Variants in FAM135B observed in about 807,000 individuals in gnomAD.
FAM135B encodes family with sequence similarity 135 member B.
FAM135B carries 43 observed loss-of-function variants against 127.7 expected under a neutral mutation model. The observed-to-expected ratio is 0.34, with a 90% CI of 0.26 to 0.43. FAM135B has a LOEUF of 0.43. Among genes scored for constraint, FAM135B ranks in the 20% least tolerant of loss-of-function variants. The pLI is 1.00. For synonymous variants in FAM135B, 670 were observed against 665.1 expected (o/e 1.01, Z -0.11); for missense variants, 1,558 against 1,725.6 (o/e 0.90, Z 1.72).
intron 1 of FAM135B, among the ~76,000 whole-genome samples, chr8:138,382,252 C>T (rs561161557): frequency 3.9e-5 from 6 of 152,088 alleles, no homozygotes; most frequent in Non-Finnish European, 1.5e-5. Context: ...AGGGCCTTAA[C>T]GATGGTCTTA....
At position 138,151,329 on chromosome 8, in the gene FAM135B, T is replaced by A. The variant is rs2130725024; in HGVS notation, c.3146A>T (p.Lys1049Met). ...ATCLPFSSVPKETPARAGFSS... is the reference protein window; with the variant it reads ...ATCLPFSSVPMETPARAGFSS... ...GAATCCAGCCCTGGCAGGGGTCTCC[T>A]TGGGCACAGATGAGAAAGGGAGACA... The change falls in exon 13 of 20, where the codon AAG becomes ATG. Residue 1049 changes from lysine (K) to methionine (M), a missense_variant. Coordinates refer to ENST00000395297, the MANE Select transcript of FAM135B (RefSeq NM_015912.4). The A allele has an allele frequency of 6.2e-7, 1 of 1,614,042 alleles. No individual in the cohort carries two copies. The highest frequency in any genetic ancestry group is 8.5e-7 in the Non-Finnish European group (1 of 1,180,004).
rs1036097653 is a variant in FAM135B at position 138,132,175 on chromosome 8, A to T, written c.*418T>A. 1.1e-5 allele frequency: 2 copies of T among 186,426 alleles called. No individual in the cohort carries two copies. Among genetic ancestry groups the T allele is most frequent in the African/African-American group, 4.7e-5 (2 of 42,162 alleles). The allele number at this position is 186,426 out of a possible 1,614,324, so 11.5% of individuals were successfully genotyped here. ...CCACTGCTGCACAGAGATTAACCTG[A>T]GTTCTGAAATGCTTGTGTGCACTTA... On this transcript the variant is annotated 3_prime_UTR_variant, in exon 20 of 20. Transcript: ENST00000395297. The surrounding 1 kb of genome is among the most constrained non-coding windows in gnomAD (Gnocchi z 4.5).
At chr8:138,319,069 A>G (rs1344413500) in intron 2 of FAM135B, among the ~76,000 whole-genome samples, 1 of 133,378 alleles carries the variant, frequency 7.5e-6, no homozygotes, top group Non-Finnish European at 1.6e-5. Flanking sequence ...TCACAGACTC[A>G]GTAAGTAAAT....
intron 4 of FAM135B, among the ~76,000 whole-genome samples, chr8:138,260,689 C>A (rs1395166982): frequency 6.6e-6 from 1 of 152,150 alleles, no homozygotes; most frequent in Admixed American, 6.5e-5. Context: ...TCACCCTTTC[C>A]ACTCACACAG....
intron 12 of FAM135B, among the ~76,000 whole-genome samples, chr8:138,160,912 T>C (rs1355242857): frequency 6.6e-6 from 1 of 152,136 alleles, no homozygotes; most frequent in African/African-American, 2.4e-5. Flanking sequence ...ACTTACAGAG[T>C]AAAAGACAGC....
At chr8:138,414,143 CA>C (rs1834017279) in intron 1 of FAM135B, among the ~76,000 whole-genome samples, 1 of 94,880 alleles carries the variant, frequency 1.1e-5, no homozygotes, top group Admixed American at 1.0e-4. Context: ...TATATATGCA[CA>C]AAAAATATAT....
intron 1 of FAM135B, among the ~76,000 whole-genome samples, chr8:138,430,300 T>C (rs1256189294): frequency 6.6e-6 from 1 of 152,226 alleles, no homozygotes; most frequent in African/African-American, 2.4e-5. Context: ...ATGCTTGGTA[T>C]ATGCTTCTTC....
chr8:138,249,899 C>T (rs1304888637), intron 6 of FAM135B, among the ~76,000 whole-genome samples: 1 of 152,190 alleles, frequency 6.6e-6, no homozygotes, highest in Non-Finnish European at 1.5e-5. Context: ...TTTCATGCAC[C>T]TATCTGGCCA....
chr8:138,234,525 G>A (rs1197432232), intron 7 of FAM135B, among the ~76,000 whole-genome samples: 1 of 152,112 alleles, frequency 6.6e-6, no homozygotes, highest in African/African-American at 2.4e-5. Context: ...CATACACACT[G>A]GAATATTATT....
chr8:138,378,051 G>A (rs1165879989), intron 1 of FAM135B, among the ~76,000 whole-genome samples: 1 of 152,168 alleles, frequency 6.6e-6, no homozygotes, highest in Non-Finnish European at 1.5e-5. Context: ...CCAATCTTGG[G>A]TCTCACTTCT....
chr8:138,418,400 C>T (rs919344152), intron 1 of FAM135B, among the ~76,000 whole-genome samples: 42 of 151,982 alleles, frequency 2.8e-4, no homozygotes, highest in African/African-American at 1.0e-3. Context: ...TTTCCCCAAC[C>T]TTACTAGAAA....
At chr8:138,395,146 A>G (rs1194156253) in intron 1 of FAM135B, among the ~76,000 whole-genome samples, 2 of 152,196 alleles carry the variant, frequency 1.3e-5, no homozygotes, top group African/African-American at 4.8e-5. Context: ...CTGAATCCCA[A>G]GTGCTACTTA....
chr8:138,238,944 C>T (rs534694279), intron 7 of FAM135B, among the ~76,000 whole-genome samples: 1 of 152,314 alleles, frequency 6.6e-6, no homozygotes, highest in East Asian at 1.9e-4. Flanking sequence ...CAAAGCTAAG[C>T]ACTCACAAAT....
intron 7 of FAM135B, among the ~76,000 whole-genome samples, chr8:138,200,749 A>G (rs534521336): frequency 5.3e-5 from 8 of 152,262 alleles, no homozygotes; most frequent in Middle Eastern, 3.4e-3. Context: ...GCACTGACAC[A>G]CTTATAAGTT....
At chr8:138,264,712 G>A (rs552627528) in intron 4 of FAM135B, among the ~76,000 whole-genome samples, 1 of 152,216 alleles carries the variant, frequency 6.6e-6, no homozygotes, top group African/African-American at 2.4e-5. Context: ...AATAAAGAAT[G>A]AGTGACAGCT....
chr8:138,208,050 A>G (rs1817837319), intron 7 of FAM135B, among the ~76,000 whole-genome samples: 1 of 152,168 alleles, frequency 6.6e-6, no homozygotes. Flanking sequence ...TTCACACCCA[A>G]CTTCAGATTC....
chr8:138,306,578 A>G (rs892878410), intron 3 of FAM135B, among the ~76,000 whole-genome samples: 7 of 125,544 alleles, frequency 5.6e-5, no homozygotes, highest in Non-Finnish European at 1.1e-4. Flanking sequence ...GTCACAGTGT[A>G]TCATTCTTTT....
intron 3 of FAM135B, among the ~76,000 whole-genome samples, chr8:138,306,739 C>T (rs530623184): frequency 1.8e-4 from 28 of 152,138 alleles, no homozygotes; most frequent in African/African-American, 5.8e-4. Flanking sequence ...TGCACCACCA[C>T]GCCTGGCTAA....
intron 7 of FAM135B, among the ~76,000 whole-genome samples, chr8:138,233,616 C>A (rs1039134876): frequency 6.6e-6 from 1 of 152,174 alleles, no homozygotes; most frequent in Non-Finnish European, 1.5e-5. Context: ...GCAATGATTT[C>A]TTGGATATGA....
Sources: gnomAD v4.1 joint callset for allele counts (sites outside exome capture counted in the v4.1 genomes callset) on GRCh38, gnomAD v4.1.1 for gene constraint, Gnocchi (gnomAD v3.1) non-coding constraint, MANE v1.5 for transcripts, NCBI Gene and HGNC (gene_info 2026-07-23, HGNC 2026-07-21) for gene names.